The following ADRA1D variants were observed in gnomAD, a reference collection of about 807,000 sequenced individuals.
The protein encoded by ADRA1D is alpha-1D adrenergic receptor.
Under a neutral mutation model 18.6 loss-of-function variants are expected in ADRA1D, and 22 were observed. The observed-to-expected ratio is 1.19, with a 90% CI of 0.85 to 1.69. The LOEUF (loss-of-function observed/expected upper bound fraction) is 1.69. ADRA1D is among the 40% of genes most tolerant of loss of function. ADRA1D has a pLI of 0.00. For missense variants in ADRA1D, 840 were observed against 840.7 expected (o/e 1.00, Z 0.01); for synonymous variants, 376 against 388.2 (o/e 0.97, Z 0.37).
rs1210309635 is a variant in ADRA1D, at chr20:4,233,230, G to A, written c.1112-11100C>T. 3.3e-5 allele frequency among the ~76,000 whole-genome samples: 5 copies of A among 152,142 alleles called. No homozygotes were observed. In the East Asian group the frequency reaches 5.8e-4, roughly 18 times the overall value. ...AATCCCAGCACTTTGGGAAGCCGAA[G>A]TAGGTGAATCTCTTGAGCCCAGGAG... On this transcript the variant is annotated intron_variant, in intron 1 of 1. Coordinates refer to ENST00000379453, the MANE Select transcript of ADRA1D (RefSeq NM_000678.4).
Position 4,249,006 on chromosome 20 carries a change from C to G in ADRA1D, c.-49G>C, listed in dbSNP as rs752276200. On this transcript the variant is annotated 5_prime_UTR_variant, in exon 1 of 2. Transcript: ENST00000379453. ...CGGGCCGGGGCACAGAACGAGCGGC[C>G]GGCAGGGAGGGGAGCACAGGGCATA... 41 of 1,239,402 alleles carry G rather than the reference C, an allele frequency of 3.3e-5. No homozygotes were observed. In the South Asian group the frequency reaches 6.1e-4, roughly 18 times the overall value. 76.8% of individuals were successfully genotyped at this position (1,239,402 alleles called of 1,614,324 possible).
In ADRA1D at chr20:4,221,711, G is replaced by T; in HGVS notation, c.1531C>A (p.Arg511Ser). 6.2e-7 allele frequency: 1 copy of T among 1,609,670 alleles called. No individual in the cohort carries two copies. Among genetic ancestry groups the T allele is most frequent in the Non-Finnish European group, 8.5e-7 (1 of 1,179,054 alleles). ...TGCGACAGGCTGGAGACTTTGGCGCGCAGCTGGGTCGTGGGTCTCCGGAAC... is the reference window on the plus strand; with the variant it reads ...TGCGACAGGCTGGAGACTTTGGCGCTCAGCTGGGTCGTGGGTCTCCGGAAC... ...GPFRRPTTQL[R>S]AKVSSLSHKI... Residue 511 changes from arginine (R) to serine (S), a missense_variant, in exon 2 of 2, where the codon CGC (arginine) becomes AGC (serine). Transcript: ENST00000379453.
chr20:4,228,950 C>T (rs1275561968), intron 1 of ADRA1D, among the ~76,000 whole-genome samples: 1 of 152,206 alleles, frequency 6.6e-6, no homozygotes, highest in Non-Finnish European at 1.5e-5. Flanking sequence ...TGCTCTGCTG[C>T]TTTGCCCCAC....
chr20:4,241,175 C>T (rs1331092450), intron 1 of ADRA1D, among the ~76,000 whole-genome samples: 3 of 152,192 alleles, frequency 2.0e-5, no homozygotes, highest in South Asian at 2.1e-4. Context: ...CATGATTCCA[C>T]TTACATGGGG....
intron 1 of ADRA1D, among the ~76,000 whole-genome samples, chr20:4,236,790 G>A (rs1031090548): frequency 1.3e-5 from 2 of 152,164 alleles, no homozygotes; most frequent in Admixed American, 6.5e-5. Flanking sequence ...CAACAGAAGC[G>A]GCAGTCGGAC....
intron 1 of ADRA1D, among the ~76,000 whole-genome samples, chr20:4,227,289 G>A (rs1980821006): frequency 6.6e-6 from 1 of 152,128 alleles, no homozygotes; most frequent in Admixed American, 6.5e-5. Flanking sequence ...TCTATATCTG[G>A]TAGTGCTAGC....
At chr20:4,235,064 T>C (rs1981058161) in intron 1 of ADRA1D, among the ~76,000 whole-genome samples, 1 of 152,168 alleles carries the variant, frequency 6.6e-6, no homozygotes, top group Admixed American at 6.5e-5. Context: ...GAGGGCACCG[T>C]GGGCCTGCTA....
In ADRA1D at chr20:4,234,897, G is replaced by A. The variant is rs138949735; in HGVS notation, c.1112-12767C>T. On this transcript the variant is annotated intron_variant, in intron 1 of 1. Transcript: ENST00000379453. ...TACCTGACAAGTTGGAGAGACACCCGGGAAGTTAGGACCGCCAAAGTGGAG... is the reference window on the plus strand; with the variant it reads ...TACCTGACAAGTTGGAGAGACACCCAGGAAGTTAGGACCGCCAAAGTGGAG... Among the ~76,000 whole-genome samples the A allele has an allele frequency of 1.4e-4, 21 of 152,270 alleles. No homozygotes were observed. In the East Asian group the frequency reaches 2.9e-3, roughly 21 times the overall value.
At chr20:4,234,443 C>T (rs764063289) in intron 1 of ADRA1D, among the ~76,000 whole-genome samples, 1 of 152,234 alleles carries the variant, frequency 6.6e-6, no homozygotes, top group Non-Finnish European at 1.5e-5. Context: ...CCCAGCCTCC[C>T]CCATCTTCCT....
chr20:4,247,309 A>C (rs979187408), intron 1 of ADRA1D, among the ~76,000 whole-genome samples: 2 of 152,160 alleles, frequency 1.3e-5, no homozygotes, highest in African/African-American at 4.8e-5. Context: ...AGAAATGAGA[A>C]CTCGGGGCAC....
At chr20:4,233,710 C>T (rs1981023534) in intron 1 of ADRA1D, among the ~76,000 whole-genome samples, 1 of 152,158 alleles carries the variant, frequency 6.6e-6, no homozygotes, top group Non-Finnish European at 1.5e-5. Context: ...CATCATCACT[C>T]TTCTGCCCCC....
chr20:4,238,380 TG>T (rs1249380465), intron 1 of ADRA1D, among the ~76,000 whole-genome samples: 1 of 151,898 alleles, frequency 6.6e-6, no homozygotes, highest in African/African-American at 2.4e-5. Flanking sequence ...CAGTGCTAAG[TG>T]GGGGAAGGCT....
In ADRA1D at chr20:4,221,927, G is replaced by A. The variant is rs55926349; in HGVS notation, c.1315C>T (p.Arg439Trp). The A allele has an allele frequency of 5.6e-4, 862 of 1,533,274 alleles. 3 individuals are homozygous for A. Among genetic ancestry groups the A allele is most frequent in the Middle Eastern group, 3.3e-3 (18 of 5,490 alleles). 95.0% of individuals were successfully genotyped at this position (1,533,274 alleles called of 1,614,324 possible). Residue 439 changes from arginine to tryptophan, a missense_variant, in exon 2 of 2, where the codon CGG becomes TGG. Transcript: ENST00000379453. The part of the protein sequence containing the change: ...PLWRVYGHHW[R>W]ASTSGLRQDC... Reference sequence around the variant, plus strand: ...TGGCGCAGGCCGCTGGTGGAGGCCCGCCAGTGGTGGCCGTAGACACGCCAG... The same window carrying A: ...TGGCGCAGGCCGCTGGTGGAGGCCCACCAGTGGTGGCCGTAGACACGCCAG...
intron 1 of ADRA1D, among the ~76,000 whole-genome samples, chr20:4,240,238 C>T (rs556212358): frequency 1.3e-5 from 2 of 152,190 alleles, no homozygotes; most frequent in South Asian, 2.1e-4. Flanking sequence ...GGAGGCTTAC[C>T]GAGTAAAGAA....
chr20:4,244,011 A>T (rs2875939), intron 1 of ADRA1D, among the ~76,000 whole-genome samples: 9 of 152,152 alleles, frequency 5.9e-5, no homozygotes, highest in East Asian at 1.9e-4. Flanking sequence ...CCCACAGTTC[A>T]GGACAGCCCT....
Position 4,248,146 on chromosome 20 carries a change from A to C in ADRA1D, c.812T>G (p.Val271Gly). 1 of 1,576,144 alleles carries C rather than the reference A, an allele frequency of 6.3e-7. No individual in the cohort carries two copies. Among genetic ancestry groups the C allele is most frequent in the Non-Finnish European group, 8.6e-7 (1 of 1,160,864 alleles). The change falls in exon 1 of 2, where the codon GTG becomes GGG. Residue 271 changes from valine (V) to glycine (G), a missense_variant. By Grantham distance (109) the Val-to-Gly change is moderately radical. Transcript: ENST00000379453. ...CSFYLPMAVI[V>G]VMYCRVYVVA... ...CACGTACACGCGGCAGTACATGACC[A>C]CGATGACCGCCATGGGCAGGTAGAA...
In ADRA1D at chr20:4,240,167, A is replaced by C. The variant is rs555720288; in HGVS notation, c.1111+7680T>G. 7.9e-5 allele frequency among the ~76,000 whole-genome samples: 12 copies of C among 152,352 alleles called. 1 individual carries two copies. The South Asian group carries it at 2.5e-3, about 32-fold the overall frequency. ...TGTGGAGATGCAAACTCCAAACTACAGGATACACCTGGGGACAATCTGGTG... is the reference window on the plus strand; with the variant it reads ...TGTGGAGATGCAAACTCCAAACTACCGGATACACCTGGGGACAATCTGGTG... On this transcript the variant is annotated intron_variant, in intron 1 of 1. Transcript: ENST00000379453.
At chr20:4,228,353 G>C (rs566349427) in intron 1 of ADRA1D, among the ~76,000 whole-genome samples, 1 of 152,152 alleles carries the variant, frequency 6.6e-6, no homozygotes, top group South Asian at 2.1e-4. Flanking sequence ...TTCCTTTACC[G>C]GCTCTTTACT....
chr20:4,221,122 C>A lies in ADRA1D; in HGVS notation c.*401G>T. ...ACTGACTTTTTCCCTAAGGGAGGCA[C>A]TGGGGTAGCCGGCCAAAGCTTCTGT... On this transcript the variant is annotated 3_prime_UTR_variant, in exon 2 of 2. Transcript: ENST00000379453. 1 of 162,190 alleles carries A rather than the reference C, an allele frequency of 6.2e-6. No individual in the cohort carries two copies. The highest frequency in any genetic ancestry group is 1.8e-4 in the East Asian group (1 of 5,690). 10.0% of individuals were successfully genotyped at this position (162,190 alleles called of 1,614,324 possible). A position where few individuals can be genotyped will look rare whatever the true frequency, so the allele number is the denominator to read the frequency against.
Sources: gnomAD v4.1 joint callset for allele counts (sites outside exome capture counted in the v4.1 genomes callset) on GRCh38, gnomAD v4.1.1 for gene constraint, MANE v1.5 for transcripts, NCBI Gene and HGNC (gene_info 2026-07-23, HGNC 2026-07-21) for gene names.